PIGN: variants seen among roughly 807,000 people sequenced by gnomAD.
PIGN encodes the protein phosphatidylinositol glycan anchor biosynthesis class N, also known as GPI ethanolamine phosphate transferase 1.
A neutral mutation model predicts 125.4 loss-of-function variants in PIGN; 117 were observed. That is an observed-to-expected ratio of 0.93 (90% CI 0.80 to 1.09). The LOEUF (loss-of-function observed/expected upper bound fraction) is 1.09. Among genes scored for constraint, PIGN ranks in the 50% least tolerant of loss-of-function variants. PIGN has a pLI of 0.00. For missense variants in PIGN, 1,075 were observed against 1,094.9 expected (o/e 0.98, Z 0.26); for synonymous variants, 392 against 377.8 (o/e 1.04, Z -0.44).
At chr18:62,018,865 T>TACACACAC (rs142185819) in intron 23 of PIGN, among the ~76,000 whole-genome samples, 14 of 150,814 alleles carry the variant, frequency 9.3e-5, no homozygotes, top group African/African-American at 3.4e-4. Flanking sequence ...CGCACACACA[T>TACACACAC]ACACACACAC....
At chr18:62,125,121 TATAA>T (rs1246873139) in intron 14 of PIGN, among the ~76,000 whole-genome samples, 14 of 96,250 alleles carry the variant, frequency 1.5e-4, no homozygotes, top group East Asian at 9.2e-4. Context: ...CATATGTGTA[TATAA>T]ATATACACGT....
At chr18:62,078,840 C>T (rs1227455816) in intron 28 of PIGN, among the ~76,000 whole-genome samples, 4 of 152,062 alleles carry the variant, frequency 2.6e-5, no homozygotes, top group African/African-American at 9.7e-5. Context: ...ACTTATCATC[C>T]CCACTGAGCC....
At chr18:62,051,220 TG>T (rs2031255202) in intron 30 of PIGN, among the ~76,000 whole-genome samples, 1 of 152,146 alleles carries the variant, frequency 6.6e-6, no homozygotes, top group South Asian at 2.1e-4. Context: ...CCTCATAAAA[TG>T]AGTTAGGGAG....
intron 30 of PIGN, among the ~76,000 whole-genome samples, chr18:62,066,016 C>A (rs1442123871): frequency 1.5e-5 from 2 of 131,462 alleles, no homozygotes; most frequent in Non-Finnish European, 3.3e-5. Flanking sequence ...CTAGCAAAAG[C>A]CCTTTTGGGT....
intron 23 of PIGN, among the ~76,000 whole-genome samples, chr18:62,091,268 C>T (rs1205422781): frequency 6.6e-6 from 1 of 152,046 alleles, no homozygotes; most frequent in African/African-American, 2.4e-5. Context: ...TCACGTGAAC[C>T]CGGGAGGCAG....
intron 22 of PIGN, among the ~76,000 whole-genome samples, chr18:62,098,495 C>T (rs1185841873): frequency 6.6e-6 from 1 of 152,168 alleles, no homozygotes; most frequent in Non-Finnish European, 1.5e-5. Flanking sequence ...AAACTGTACA[C>T]ATTTTCTGTC....
At chr18:62,166,952 C>A (rs2037156843) in intron 1 of PIGN, among the ~76,000 whole-genome samples, 2 of 152,306 alleles carry the variant, frequency 1.3e-5, no homozygotes, top group South Asian at 2.1e-4. Flanking sequence ...CTAATGCATG[C>A]AGGTTTTAAA....
At chr18:62,074,122 G>A (rs932067016) in intron 29 of PIGN, among the ~76,000 whole-genome samples, 2 of 152,208 alleles carry the variant, frequency 1.3e-5, no homozygotes, top group African/African-American at 4.8e-5. Context: ...TGATTCCACA[G>A]GGAGAAACAG....
At chr18:62,098,404 G>A (rs10503056) in intron 22 of PIGN, among the ~76,000 whole-genome samples, 25,733 of 152,156 alleles carry the variant, frequency 0.17, 2,939 homozygotes, top group Middle Eastern at 0.28. Context: ...CAGTTAATCT[G>A]TTGGACATAC....
intron 14 of PIGN, among the ~76,000 whole-genome samples, chr18:62,128,580 C>A (rs1252359637): frequency 2.6e-5 from 4 of 151,886 alleles, no homozygotes; most frequent in African/African-American, 9.7e-5. Flanking sequence ...TGGATACTCA[C>A]ATGCAGCCAC....
chr18:62,076,106 T>C (rs2033158131), intron 28 of PIGN: 1 of 152,228 alleles, frequency 6.6e-6, no homozygotes, highest in Non-Finnish European at 1.5e-5. Context: ...CGGATAATTT[T>C]TGTATTTTTA....
chr18:62,113,636 C>T (rs1378644606), intron 15 of PIGN, among the ~76,000 whole-genome samples: 1 of 151,914 alleles, frequency 6.6e-6, no homozygotes, highest in Non-Finnish European at 1.5e-5. Context: ...TAATATAGGT[C>T]CCAAATAATG....
At chr18:62,184,294 T>A (rs1447653382) in intron 1 of PIGN, among the ~76,000 whole-genome samples, 1 of 152,236 alleles carries the variant, frequency 6.6e-6, no homozygotes, top group Non-Finnish European at 1.5e-5. Flanking sequence ...TACATCTTCA[T>A]TGCTAAGGCA....
At chr18:62,153,510 T>C (rs1201789617) in intron 7 of PIGN, 1 of 152,176 alleles carries the variant, frequency 6.6e-6, no homozygotes, top group Non-Finnish European at 1.5e-5. Flanking sequence ...GCTACACATA[T>C]GAAATTAGAA....
Position 62,161,536 on chromosome 18 carries a change from C to T in PIGN, c.-32-151G>A, listed in dbSNP as rs3794908. On this transcript the variant is annotated intron_variant, in intron 3 of 30. Transcript: ENST00000640252. ...TTTCATTTGTGGTGGTAACAATAAG[C>T]ACTATTTAATAATGTGACATAATAC... Among the ~76,000 whole-genome samples the T allele has an allele frequency of 0.54, 82,089 of 151,896 alleles. 24,250 individuals carry two copies. Among genetic ancestry groups the T allele is most frequent in the East Asian group, 0.79 (4,067 of 5,176 alleles).
chr18:62,037,608 C>T (rs891349922), downstream of PIGN, among the ~76,000 whole-genome samples: 2 of 152,254 alleles, frequency 1.3e-5, no homozygotes, highest in Non-Finnish European at 2.9e-5. Context: ...CTGTGTTCCT[C>T]TGCTCTACTG....
intron 1 of PIGN, among the ~76,000 whole-genome samples, chr18:62,165,569 A>G (rs1188842323): frequency 1.3e-5 from 2 of 152,198 alleles, no homozygotes; most frequent in African/African-American, 4.8e-5. Flanking sequence ...TTTTTGATAC[A>G]TTAAATTTAA....
chr18:62,032,332 C>CT (rs2030204012), intron 23 of PIGN, among the ~76,000 whole-genome samples: 1 of 152,194 alleles, frequency 6.6e-6, no homozygotes, highest in Non-Finnish European at 1.5e-5. Flanking sequence ...TACTTCCATC[C>CT]TTTAATGCTG....
intron 23 of PIGN, among the ~76,000 whole-genome samples, chr18:62,018,611 T>C (rs541462364): frequency 2.3e-4 from 35 of 152,270 alleles, no homozygotes; most frequent in African/African-American, 8.2e-4. Flanking sequence ...GCTGAGCACA[T>C]GGTTTGTTAC....
Sources: allele counts gnomAD v4.1 joint callset (sites outside exome capture counted in the v4.1 genomes callset), GRCh38; gene constraint gnomAD v4.1.1; transcripts MANE v1.5; gene names NCBI Gene and HGNC (gene_info 2026-07-23, HGNC 2026-07-21).